Variants in CDYL observed in about 807,000 individuals in gnomAD.
CDYL encodes the protein chromodomain Y like.
Under a neutral mutation model 47.3 loss-of-function variants are expected in CDYL, and 8 were observed. That is an observed-to-expected ratio of 0.17 (90% CI 0.10 to 0.31). The LOEUF (loss-of-function observed/expected upper bound fraction) is 0.31, where lower values mean the gene tolerates loss of function less well. Among genes scored for constraint, CDYL ranks in the 10% least tolerant of loss-of-function variants. The pLI is 1.00. For synonymous variants in CDYL, 266 were observed against 265.0 expected, an observed-to-expected ratio of 1.00 and a Z score of -0.04; for missense variants, 471 against 701.4, an observed-to-expected ratio of 0.67 and a Z score of 3.71.
chr6:4,900,816 T>G (rs1260395506), intron 2 of CDYL, among the ~76,000 whole-genome samples: 31 of 91,796 alleles, frequency 3.4e-4, no homozygotes, highest in African/African-American at 1.3e-3. Context: ...TATATATATA[T>G]ATATATATAT....
intron 1 of CDYL, among the ~76,000 whole-genome samples, chr6:4,884,360 TG>T (rs1395465497): frequency 6.6e-6 from 1 of 152,176 alleles, no homozygotes; most frequent in Non-Finnish European, 1.5e-5. Context: ...TCATGATAAT[TG>T]GAGTCCTGTT....
At chr6:4,950,424 A>G (rs567706881) in intron 5 of CDYL, among the ~76,000 whole-genome samples, 1 of 152,330 alleles carries the variant, frequency 6.6e-6, no homozygotes, top group Admixed American at 6.5e-5. Context: ...AGCACAGTCT[A>G]TGAAAGGAAA....
chr6:4,813,811 A>AGC (rs1759594030), intron 1 of CDYL, among the ~76,000 whole-genome samples: 1 of 152,032 alleles, frequency 6.6e-6, no homozygotes, highest in Non-Finnish European at 1.5e-5. Flanking sequence ...CTTGCTCTGT[A>AGC]GCCCAGGCTG....
intron 1 of CDYL, among the ~76,000 whole-genome samples, chr6:4,852,054 G>A (rs1561669799): frequency 1.3e-5 from 2 of 152,112 alleles, no homozygotes; most frequent in Admixed American, 6.5e-5. Flanking sequence ...TCTGTAAAGC[G>A]ATGGCTTCCC....
intron 4 of CDYL, among the ~76,000 whole-genome samples, chr6:4,943,126 G>T (rs972244913): frequency 6.6e-6 from 1 of 152,200 alleles, no homozygotes; most frequent in African/African-American, 2.4e-5. Context: ...GTCTTAGTAT[G>T]CCCTGGGCCA....
intron 3 of CDYL, among the ~76,000 whole-genome samples, chr6:4,767,463 C>T (rs1424748597): frequency 6.6e-6 from 1 of 151,978 alleles, no homozygotes; most frequent in African/African-American, 2.4e-5. Flanking sequence ...ATCCCAGCTA[C>T]TTGGGAGGCT....
chr6:4,727,699 C>G (rs917786637), intron 2 of CDYL, among the ~76,000 whole-genome samples: 1 of 150,004 alleles, frequency 6.7e-6, no homozygotes, highest in Non-Finnish European at 1.5e-5. Flanking sequence ...TGAATTTTCC[C>G]TGACAAACCG....
chr6:4,776,841 C>T (rs1758469578), intron 1 of CDYL, 34 bp downstream of exon 1: 1 of 814,582 alleles, frequency 1.2e-6, no homozygotes, highest in Non-Finnish European at 1.5e-6. Context: ...GGGCCGCCCC[C>T]CGCCCGCCGC....
At chr6:4,742,376 A>G (rs1487505848) in intron 3 of CDYL, among the ~76,000 whole-genome samples, 1 of 151,640 alleles carries the variant, frequency 6.6e-6, no homozygotes, top group African/African-American at 2.4e-5. Context: ...AAAAAAAAAA[A>G]AAAAAGAAAA....
At chr6:4,709,459 G>A (rs576678197) in intron 1 of CDYL, among the ~76,000 whole-genome samples, 87 of 152,282 alleles carry the variant, frequency 5.7e-4, no homozygotes, top group Admixed American at 2.0e-3. Flanking sequence ...GCTTCCCAAA[G>A]TGCTGGGATT....
chr6:4,846,208 T>C (rs1197078694), intron 1 of CDYL, among the ~76,000 whole-genome samples: 1 of 150,510 alleles, frequency 6.6e-6, no homozygotes, highest in Non-Finnish European at 1.5e-5. Flanking sequence ...AAGGTGGATA[T>C]GGCTATTTTT....
At chr6:4,729,413 T>A (rs1757567758) in intron 2 of CDYL, among the ~76,000 whole-genome samples, 1 of 152,064 alleles carries the variant, frequency 6.6e-6, no homozygotes, top group South Asian at 2.1e-4. Flanking sequence ...TTCTAGACCT[T>A]GATACCTTCT....
rs190468475 is a variant in CDYL, at chr6:4,814,170, A to G, written c.24+37363A>G. Among the ~76,000 whole-genome samples the G allele has an allele frequency of 2.2e-3, 330 of 152,252 alleles. 1 individual carries two copies. Among genetic ancestry groups the G allele is most frequent in the African/African-American group, 6.9e-3 (286 of 41,540 alleles). ...TTCATTTCCACATTGAGTTAAAATTATTTTTGGCAAACTTTTGGGAACAAA... is the reference window on the plus strand; with the variant it reads ...TTCATTTCCACATTGAGTTAAAATTGTTTTTGGCAAACTTTTGGGAACAAA... On this transcript the variant is annotated intron_variant, in intron 1 of 6. Coordinates refer to ENST00000397588, the MANE Select transcript of CDYL (RefSeq NM_004824.4).
chr6:4,744,427 C>A (rs1289816939), intron 3 of CDYL, among the ~76,000 whole-genome samples: 2 of 151,928 alleles, frequency 1.3e-5, no homozygotes, highest in Non-Finnish European at 2.9e-5. Flanking sequence ...CCCAGGAGTT[C>A]AAGGCTGCAG....
chr6:4,880,265 G>GT (rs1370667081), intron 1 of CDYL, among the ~76,000 whole-genome samples: 10 of 152,080 alleles, frequency 6.6e-5, no homozygotes, highest in African/African-American at 2.4e-4. Context: ...ATGTTGTATA[G>GT]TTTAAGTCAT....
intron 1 of CDYL, among the ~76,000 whole-genome samples, chr6:4,803,794 A>G (rs72821445): frequency 0.015 from 1,985 of 133,956 alleles, 25 homozygotes; most frequent in South Asian, 0.03. Context: ...TCTTCATTCT[A>G]GCTTGTAAAT....
At chr6:4,741,500 G>A (rs1582301219) in intron 3 of CDYL, among the ~76,000 whole-genome samples, 1 of 152,154 alleles carries the variant, frequency 6.6e-6, no homozygotes, top group East Asian at 1.9e-4. Flanking sequence ...TGCATTCTCT[G>A]TGCCCCTCAT....
At chr6:4,887,171 G>C (rs1380727712) in intron 1 of CDYL, among the ~76,000 whole-genome samples, 1 of 152,118 alleles carries the variant, frequency 6.6e-6, no homozygotes, top group Admixed American at 6.5e-5. Context: ...TTTTTGGGCT[G>C]TTCTCAATTG....
chr6:4,933,018 G>T (rs115137644), intron 2 of CDYL, among the ~76,000 whole-genome samples: 1,696 of 152,198 alleles, frequency 0.011, 13 homozygotes, highest in Non-Finnish European at 0.019. Flanking sequence ...CTCCACCTCT[G>T]TAACACCTGC....
Sources: gnomAD v4.1 joint callset for allele counts (sites outside exome capture counted in the v4.1 genomes callset) on GRCh38, gnomAD v4.1.1 for gene constraint, MANE v1.5 for transcripts, NCBI Gene and HGNC (gene_info 2026-07-23, HGNC 2026-07-21) for gene names.